PLA2G4D: variants seen among roughly 807,000 people sequenced by gnomAD.
PLA2G4D encodes cytosolic phospholipase A2 delta.
PLA2G4D carries 80 observed loss-of-function variants against 94.4 expected under a neutral mutation model. That is an observed-to-expected ratio of 0.85 (90% CI 0.71 to 1.02). The LOEUF is 1.02. Ranked by LOEUF, PLA2G4D falls within the 50% of genes least tolerant of loss-of-function variation. PLA2G4D has a pLI of 0.00. For missense variants in PLA2G4D, 1,050 were observed against 1,034.7 expected (o/e 1.01, Z -0.20); for synonymous variants, 438 against 440.9 (o/e 0.99, Z 0.08).
At chr15:42,085,609 A>G in intron 4 of PLA2G4D, 78 bp from the exon 5 acceptor site, 2 of 1,440,464 alleles carry the variant, frequency 1.4e-6, no homozygotes, top group Non-Finnish European at 2.0e-6. Flanking sequence ...TACAGGTGTC[A>G]TCTCATCCTC....
intron 13 of PLA2G4D, among the ~76,000 whole-genome samples, chr15:42,073,360 T>C (rs532914693): frequency 2.6e-5 from 4 of 152,290 alleles, no homozygotes; most frequent in African/African-American, 9.6e-5. Flanking sequence ...AGAGCCTCCC[T>C]GAATTGTAAG....
At chr15:42,081,371 A>C (rs183206510) in intron 11 of PLA2G4D, 108 bp downstream of exon 11, 675 of 1,514,732 alleles carry the variant, frequency 4.5e-4, no homozygotes, top group Admixed American at 5.9e-4. Context: ...GTCTCCACAC[A>C]CATGCCCACT....
chr15:42,087,502 G>A (rs1890173357), intron 2 of PLA2G4D, 66 bp from the exon 3 acceptor site: 1 of 1,609,508 alleles, frequency 6.2e-7, no homozygotes, highest in Non-Finnish European at 8.5e-7. Flanking sequence ...AGCCATGCCA[G>A]TTTCCTACCA....
chr15:42,071,670 C>CCCCCCCCA, intron 15 of PLA2G4D, 104 bp downstream of exon 15: 2 of 1,342,722 alleles, frequency 1.5e-6, no homozygotes, highest in Non-Finnish European at 2.1e-6. Flanking sequence ...CCCGCCACCC[C>CCCCCCCCA]TCCCCCTTGT....
intron 3 of PLA2G4D, 33 bp from the exon 4 acceptor site, chr15:42,086,377 C>T (rs1312641362): frequency 6.2e-7 from 1 of 1,609,730 alleles, no homozygotes; most frequent in South Asian, 1.1e-5. Context: ...TAGCATTTTA[C>T]CTGCTCATAG....
In PLA2G4D at chr15:42,079,881, C is replaced by G. The variant is rs549615926; in HGVS notation, c.1095-122G>C. 14 of 869,288 alleles carry G rather than the reference C, an allele frequency of 1.6e-5. 1 individual carries two copies. The highest frequency in any genetic ancestry group is 2.4e-5 in the Non-Finnish European group (14 of 574,080). 53.8% of individuals were successfully genotyped at this position (869,288 alleles called of 1,614,324 possible). A position where few individuals can be genotyped will look rare whatever the true frequency, so the allele number is the denominator to read the frequency against. On this transcript the variant is annotated intron_variant, in intron 12 of 19. Coordinates refer to ENST00000290472, the MANE Select transcript of PLA2G4D (RefSeq NM_178034.4). ...CTCCTGCCACCAAGGCTCTGCCGAT[C>G]TGGTAAATGGGTCTCAGGGCTTTCT... is the stretch of plus-strand genomic sequence containing the variant.
At position 42,081,837 on chromosome 15, in the gene PLA2G4D, G is replaced by A; in HGVS notation, c.784-3C>T. On this transcript the variant is annotated splice_polypyrimidine_tract_variant and splice_region_variant and intron_variant, in intron 9 of 19. Coordinates refer to ENST00000290472, the MANE Select transcript of PLA2G4D (RefSeq NM_178034.4). ...AGCTGCAGCCTCACTCCTGGGGCCT[G>A]AAATCAAAGCCAGAGACTCTGCTCA... 1.2e-6 allele frequency: 2 copies of A among 1,613,426 alleles called. No homozygotes were observed. Among genetic ancestry groups the A allele is most frequent in the Admixed American group, 1.7e-5 (1 of 59,960 alleles).
chr15:42,079,101 CAG>C (rs1013704698), intron 13 of PLA2G4D, among the ~76,000 whole-genome samples: 16 of 152,262 alleles, frequency 1.1e-4, no homozygotes, highest in Admixed American at 8.5e-4. Context: ...AATGGAGACA[CAG>C]AGAGGTTAAG....
chr15:42,078,195 TACC>T (rs998334713), intron 13 of PLA2G4D, among the ~76,000 whole-genome samples: 1 of 152,258 alleles, frequency 6.6e-6, no homozygotes, highest in African/African-American at 2.4e-5. Context: ...CTATTTTTTC[TACC>T]ACCAGCTAAC....
chr15:42,094,363 T>C, intron 1 of PLA2G4D, 52 bp downstream of exon 1: 4 of 1,601,606 alleles, frequency 2.5e-6, no homozygotes, highest in South Asian at 1.1e-5. Flanking sequence ...GAATGCACCC[T>C]GGCTCCAGGC....
Position 42,085,120 on chromosome 15 carries a change from G to A in PLA2G4D, c.447C>T (p.Asn149=). The part of the protein sequence containing the change: ...LMEETSDRPE[N]LITNKVIVAR... ...CCACAATGACTTTGTTGGTGATGAGGTTTTCTGGGCGATCTGACCTGGAAA... is the reference window on the plus strand; with the variant it reads ...CCACAATGACTTTGTTGGTGATGAGATTTTCTGGGCGATCTGACCTGGAAA... Residue 149 remains asparagine, a synonymous_variant, in exon 6 of 20, where the codon AAC becomes AAT. Coordinates refer to ENST00000290472, the MANE Select transcript of PLA2G4D (RefSeq NM_178034.4). 2 of 1,614,190 alleles carry A rather than the reference G, an allele frequency of 1.2e-6. No homozygotes were observed. Among genetic ancestry groups the A allele is most frequent in the Non-Finnish European group, 1.7e-6 (2 of 1,180,040 alleles).
In PLA2G4D at chr15:42,083,274, G is replaced by A; in HGVS notation, c.596C>T (p.Ser199Phe). ...GAAGGCAGAGGCTGTGCCCAGGAAGGATGTCTGTGTGTCCTCATAGGACCC... is the reference window on the plus strand; with the variant it reads ...GAAGGCAGAGGCTGTGCCCAGGAAGAATGTCTGTGTGTCCTCATAGGACCC... Reference protein sequence around the residue: ...LKGSYEDTQTSFLGTASAFRF... With the variant: ...LKGSYEDTQTFFLGTASAFRF... The change falls in exon 8 of 20, where the codon TCC (serine) becomes TTC (phenylalanine). Residue 199 changes from serine to phenylalanine, a missense_variant. Physicochemically the swap from Ser to Phe is radical, Grantham distance 155 (BLOSUM62 -2). Transcript: ENST00000290472. 1 of 1,614,142 alleles carries A rather than the reference G, an allele frequency of 6.2e-7. No individual in the cohort carries two copies. Among genetic ancestry groups the A allele is most frequent in the Non-Finnish European group, 8.5e-7 (1 of 1,180,020 alleles).
Position 42,086,194 on chromosome 15 carries a change from T to TGGGGGGGGGGCGCCC in PLA2G4D, c.387+18_387+19insGGGCGCCCCCCCCCC. 7.3e-7 allele frequency: 1 copy of TGGGGGGGGGGCGCCC among 1,370,442 alleles called. No homozygotes were observed. Among genetic ancestry groups the TGGGGGGGGGGCGCCC allele is most frequent in the Non-Finnish European group, 9.6e-7 (1 of 1,043,082 alleles). The allele number at this position is 1,370,442 out of a possible 1,614,324, so 84.9% of individuals were successfully genotyped here. A position where few individuals can be genotyped will look rare whatever the true frequency, so the allele number is the denominator to read the frequency against. On this transcript the variant is annotated intron_variant, in intron 4 of 19. Transcript: ENST00000290472. ...GGAAGAAGTGGGGCCCACGGGGACT[T>TGGGGGGGGGGCGCCC]CCCCACCCACCCACCCACCTGGGGA...
chr15:42,085,124 T>A lies in PLA2G4D; in HGVS notation c.443A>T (p.Glu148Val). 6.2e-7 allele frequency: 1 copy of A among 1,614,204 alleles called. No individual in the cohort carries two copies. Among genetic ancestry groups the A allele is most frequent in the African/African-American group, 1.3e-5 (1 of 75,056 alleles). The change falls in exon 6 of 20, where the codon GAA (glutamate) becomes GTA (valine). Residue 148 changes from glutamate to valine, a missense_variant. Coordinates refer to ENST00000290472, the MANE Select transcript of PLA2G4D (RefSeq NM_178034.4). ...FLMEETSDRP[E>V]NLITNKVIVA... ...AATGACTTTGTTGGTGATGAGGTTT[T>A]CTGGGCGATCTGACCTGGAAAAATC...
At chr15:42,090,615 C>T (rs939686891) in intron 1 of PLA2G4D, among the ~76,000 whole-genome samples, 18 of 152,166 alleles carry the variant, frequency 1.2e-4, no homozygotes, top group Non-Finnish European at 2.6e-4. Context: ...GAGTGGAACA[C>T]CTGGGCACAG....
chr15:42,085,929 A>G (rs1372506967), intron 4 of PLA2G4D, among the ~76,000 whole-genome samples: 1 of 152,248 alleles, frequency 6.6e-6, no homozygotes, highest in Non-Finnish European at 1.5e-5. Flanking sequence ...TTCACAAAGC[A>G]GGCCTTGGCA....
chr15:42,092,942 C>T (rs918907811), intron 1 of PLA2G4D, among the ~76,000 whole-genome samples: 1 of 152,182 alleles, frequency 6.6e-6, no homozygotes, highest in Non-Finnish European at 1.5e-5. Flanking sequence ...GCACTGGCGC[C>T]CTGTGGTGGG....
intron 1 of PLA2G4D, among the ~76,000 whole-genome samples, chr15:42,093,221 G>A (rs1231123768): frequency 6.6e-6 from 1 of 152,228 alleles, no homozygotes; most frequent in Non-Finnish European, 1.5e-5. Context: ...TGAGGACCTG[G>A]TCCTGGGGAC....
chr15:42,070,206 C>T lies in PLA2G4D; in HGVS notation c.2044-111G>A, dbSNP rs934559616. ...GTCAAGACAACAGCCTGGCTCTGTC[C>T]TGTTTGTGGTCGGGCCAAGCTGCAG... is the stretch of plus-strand genomic sequence containing the variant. On this transcript the variant is annotated intron_variant, in intron 18 of 19. Coordinates refer to ENST00000290472, the MANE Select transcript of PLA2G4D (RefSeq NM_178034.4). 19 of 1,138,514 alleles carry T rather than the reference C, an allele frequency of 1.7e-5. No individual in the cohort carries two copies. The Admixed American group carries it at 6.4e-4, about 38-fold the overall frequency. 70.5% of individuals were successfully genotyped at this position (1,138,514 alleles called of 1,614,324 possible).
Sources: allele counts gnomAD v4.1 joint callset (sites outside exome capture counted in the v4.1 genomes callset), GRCh38; gene constraint gnomAD v4.1.1; transcripts MANE v1.5; gene names NCBI Gene and HGNC (gene_info 2026-07-23, HGNC 2026-07-21).